PLCB4: variants seen among roughly 807,000 people sequenced by gnomAD.
The protein encoded by PLCB4 is phospholipase C beta 4.
A neutral mutation model predicts 178.8 loss-of-function variants in PLCB4; 77 were observed. The ratio of observed to expected loss-of-function variants is 0.43; its 90% confidence interval spans 0.36 to 0.52. The LOEUF is 0.52. Among genes scored for constraint, PLCB4 ranks in the 20% least tolerant of loss-of-function variants. PLCB4 has a pLI of 0.00. For missense variants in PLCB4, 1,024 were observed against 1,453.4 expected (o/e 0.70, Z 4.80); for synonymous variants, 496 against 490.8 (o/e 1.01, Z -0.14).
intron 20 of PLCB4, among the ~76,000 whole-genome samples, chr20:9,402,939 C>T (rs2039147199): frequency 6.6e-6 from 1 of 152,182 alleles, no homozygotes; most frequent in Admixed American, 6.5e-5. Context: ...CTGACTCTTT[C>T]TCTGGGTTCA....
At chr20:9,315,956 A>C (rs750175890) in intron 4 of PLCB4, among the ~76,000 whole-genome samples, 2 of 152,126 alleles carry the variant, frequency 1.3e-5, no homozygotes, top group South Asian at 4.2e-4. Context: ...AAATTAAAAA[A>C]AAAGAGCCAG....
Position 9,390,600 on chromosome 20 carries a change from A to C in PLCB4, c.1308A>C (p.Ala436=), listed in dbSNP as rs369445596. ...DLFGDLLLKQ[A]LESHPLEPGR... ...TTGGGGATCTCCTGTTGAAACAAGC[A>C]CTTGAATCACATCCAGTATGTATTT... is the stretch of plus-strand genomic sequence containing the variant. The change falls in exon 17 of 40, where the codon GCA becomes GCC. Residue 436 remains alanine, a synonymous_variant. Transcript: ENST00000378473. 2 of 1,507,750 alleles carry C rather than the reference A, an allele frequency of 1.3e-6. No homozygotes were observed. The highest frequency in any genetic ancestry group is 2.2e-5 in the South Asian group (2 of 88,890). 93.4% of individuals were successfully genotyped at this position (1,507,750 alleles called of 1,614,324 possible). A position where few individuals can be genotyped will look rare whatever the true frequency, so the allele number is the denominator to read the frequency against.
chr20:9,092,968 A>G (rs2090750550), intron 1 of PLCB4, among the ~76,000 whole-genome samples: 1 of 152,102 alleles, frequency 6.6e-6, no homozygotes. Context: ...AACGCTATAA[A>G]TGTTGGCTAA....
At chr20:9,283,782 A>G (rs950132480) in intron 3 of PLCB4, among the ~76,000 whole-genome samples, 17 of 151,990 alleles carry the variant, frequency 1.1e-4, no homozygotes, top group Admixed American at 9.2e-4. Flanking sequence ...GAAATAATAA[A>G]TCATCCCTTG....
At chr20:9,144,279 T>C (rs1010036657) in intron 2 of PLCB4, among the ~76,000 whole-genome samples, 2 of 152,086 alleles carry the variant, frequency 1.3e-5, no homozygotes, top group African/African-American at 4.8e-5. Flanking sequence ...GGTATGACCA[T>C]TGATGTGTTT....
chr20:9,326,004 C>A (rs1048349600), intron 4 of PLCB4, among the ~76,000 whole-genome samples: 1 of 152,096 alleles, frequency 6.6e-6, no homozygotes, highest in Non-Finnish European at 1.5e-5. Flanking sequence ...CACGTTCTTG[C>A]TGTGTCTTCA....
At chr20:9,459,128 G>A (rs2043231736) in intron 34 of PLCB4, among the ~76,000 whole-genome samples, 1 of 152,234 alleles carries the variant, frequency 6.6e-6, no homozygotes, top group South Asian at 2.1e-4. Context: ...TGGATCACCT[G>A]AGATCGGGAG....
At chr20:9,347,468 A>G (rs919757812) in intron 7 of PLCB4, among the ~76,000 whole-genome samples, 1 of 152,204 alleles carries the variant, frequency 6.6e-6, no homozygotes, top group African/African-American at 2.4e-5. Context: ...AGTGAATGCT[A>G]ATATTGACTT....
intron 4 of PLCB4, among the ~76,000 whole-genome samples, chr20:9,321,898 C>A (rs6039437): frequency 0.13 from 20,267 of 151,562 alleles, 1,462 homozygotes; most frequent in South Asian, 0.21. Flanking sequence ...TCCCAAAGTG[C>A]TGGTATTACA....
At chr20:9,456,839 G>A (rs1024144059) in intron 33 of PLCB4, among the ~76,000 whole-genome samples, 1 of 152,164 alleles carries the variant, frequency 6.6e-6, no homozygotes, top group Non-Finnish European at 1.5e-5. Flanking sequence ...ACCTGTTCTT[G>A]TTTCAGCAGC....
chr20:9,387,789 G>T (rs556014498), intron 15 of PLCB4, among the ~76,000 whole-genome samples: 1 of 152,286 alleles, frequency 6.6e-6, no homozygotes, highest in Non-Finnish European at 1.5e-5. Context: ...GGTTTCTCTG[G>T]CAGAGTTTAC....
intron 12 of PLCB4, among the ~76,000 whole-genome samples, chr20:9,375,958 C>T (rs1391932876): frequency 6.6e-6 from 1 of 152,152 alleles, no homozygotes; most frequent in Admixed American, 6.5e-5. Context: ...TTAATCCTTT[C>T]ACTCTTTCTA....
intron 22 of PLCB4, among the ~76,000 whole-genome samples, 159 bp downstream of exon 22, chr20:9,408,217 A>G (rs1184975267): frequency 6.6e-6 from 1 of 152,160 alleles, no homozygotes; most frequent in Non-Finnish European, 1.5e-5. Flanking sequence ...CCACCTTGGT[A>G]TGTGGTGACA....
At chr20:9,142,840 C>T (rs977547530) in intron 2 of PLCB4, among the ~76,000 whole-genome samples, 1 of 152,152 alleles carries the variant, frequency 6.6e-6, no homozygotes, top group African/African-American at 2.4e-5. Flanking sequence ...TAAATGGTTT[C>T]CCACCTCATT....
chr20:9,311,477 A>G (rs6056522), intron 4 of PLCB4, among the ~76,000 whole-genome samples: 54,768 of 152,034 alleles, frequency 0.36, 14,358 homozygotes, highest in African/African-American at 0.75. Flanking sequence ...AGCCAGCCCA[A>G]CCAGGAGTGT....
At chr20:9,164,263 C>T (rs1487489757) in intron 2 of PLCB4, among the ~76,000 whole-genome samples, 2 of 152,030 alleles carry the variant, frequency 1.3e-5, no homozygotes, top group Non-Finnish European at 2.9e-5. Context: ...AGAACATTTT[C>T]TCAAGATGTT....
chr20:9,450,565 T>G (rs17392081), intron 32 of PLCB4, among the ~76,000 whole-genome samples: 1,654 of 152,274 alleles, frequency 0.011, 17 homozygotes, highest in Non-Finnish European at 0.016. Context: ...TTCAAATTAT[T>G]TTTGCATATG....
At chr20:9,401,222 T>TA (rs376896481) in intron 19 of PLCB4, among the ~76,000 whole-genome samples, 6 of 152,028 alleles carry the variant, frequency 3.9e-5, no homozygotes, top group African/African-American at 1.4e-4. Flanking sequence ...GCCATCCACT[T>TA]AAAAAAAATT....
intron 28 of PLCB4, among the ~76,000 whole-genome samples, chr20:9,425,166 A>C (rs764940283): frequency 6.6e-6 from 1 of 152,176 alleles, no homozygotes; most frequent in Non-Finnish European, 1.5e-5. Flanking sequence ...AGAAAGGGGC[A>C]CTGGAGACAA....
Sources: allele counts gnomAD v4.1 joint callset (sites outside exome capture counted in the v4.1 genomes callset), GRCh38; gene constraint gnomAD v4.1.1; transcripts MANE v1.5; gene names NCBI Gene and HGNC (gene_info 2026-07-23, HGNC 2026-07-21).